The following DHRS12 variants were observed in gnomAD, a reference collection of about 807,000 sequenced individuals.
The protein encoded by DHRS12 is dehydrogenase/reductase SDR family member 12.
In DHRS12, 29 loss-of-function variants were observed where a neutral mutation model predicts 32.1. The observed-to-expected ratio is 0.90, with a 90% CI of 0.67 to 1.23. DHRS12 has a LOEUF of 1.23. Among genes scored for constraint, DHRS12 ranks in the 50% most tolerant of loss-of-function variants. The pLI is 0.00. For missense variants in DHRS12, 330 were observed against 337.2 expected (o/e 0.98, Z 0.17); for synonymous variants, 150 against 135.9 (o/e 1.10, Z -0.72).
At chr13:51,763,912 A>G (rs1286686670), downstream of DHRS12, 1 of 152,244 alleles carries the variant, frequency 6.6e-6, no homozygotes, top group Non-Finnish European at 1.5e-5. Context: ...CTGGACATAA[A>G]TATTCACTAA....
chr13:51,768,424 C>T lies in DHRS12; in HGVS notation c.698-128G>A, dbSNP rs922124366. 1.0e-5 allele frequency: 15 copies of T among 1,468,746 alleles called. No individual in the cohort carries two copies. The South Asian group carries it at 1.5e-4, about 15-fold the overall frequency. The allele number at this position is 1,468,746 out of a possible 1,614,324, so 91.0% of individuals were successfully genotyped here. ...CAGCACCCTACAGCTGTTAGACCCCCATCCCTGCTGTCAAAGGTCCCACAG... is the reference window on the plus strand; with the variant it reads ...CAGCACCCTACAGCTGTTAGACCCCTATCCCTGCTGTCAAAGGTCCCACAG... On this transcript the variant is annotated intron_variant, in intron 8 of 8. Transcript: ENST00000444610.
At chr13:51,769,039 G>A in intron 8 of DHRS12, 117 bp downstream of exon 8, 2 of 1,467,002 alleles carry the variant, frequency 1.4e-6, no homozygotes, top group Non-Finnish European at 1.8e-6. Context: ...AGAAGCCCAG[G>A]CACCCCCCAG....
At chr13:51,759,184 A>G in the DHRS12 span, among the ~76,000 whole-genome samples, 1 of 152,208 alleles carries the variant, frequency 6.6e-6, no homozygotes, top group Admixed American at 6.5e-5. Context: ...CTGTCTCAAA[A>G]TAATTAATTA....
At chr13:51,756,226 C>A in the DHRS12 span, 1 of 1,471,038 alleles carries the variant, frequency 6.8e-7, no homozygotes, top group Non-Finnish European at 9.1e-7. Flanking sequence ...TCAGCATCCT[C>A]ACCTGGATGC....
chr13:51,787,647 T>C (rs952952677), intron 4 of DHRS12, among the ~76,000 whole-genome samples: 1 of 146,550 alleles, frequency 6.8e-6, no homozygotes, highest in South Asian at 2.1e-4. Flanking sequence ...ACCTCCATTA[T>C]AGCACTAAAT....
the DHRS12 span, among the ~76,000 whole-genome samples, chr13:51,755,927 T>C: frequency 6.6e-6 from 1 of 152,186 alleles, no homozygotes; most frequent in Non-Finnish European, 1.5e-5. Flanking sequence ...AGGCTTACCA[T>C]GGCCAAAGTC....
intron 4 of DHRS12, among the ~76,000 whole-genome samples, chr13:51,780,906 T>C (rs1019825862): frequency 3.7e-4 from 57 of 152,358 alleles, no homozygotes; most frequent in South Asian, 2.1e-4. Flanking sequence ...ATAGGAAAAC[T>C]GATTGGCATT....
At chr13:51,771,209 C>T (rs1239662712) in intron 7 of DHRS12, 2 of 1,551,470 alleles carry the variant, frequency 1.3e-6, no homozygotes, top group African/African-American at 2.7e-5. Context: ...CGGGTGCACC[C>T]TGGGGTGTGT....
chr13:51,755,258 T>G, the DHRS12 span: 10 of 1,120,578 alleles, frequency 8.9e-6, no homozygotes, highest in East Asian at 2.2e-4. Flanking sequence ...CTGTTTCTTT[T>G]AAACACATCC....
intron 4 of DHRS12, among the ~76,000 whole-genome samples, chr13:51,789,078 T>C (rs546776238): frequency 1.3e-5 from 2 of 152,276 alleles, no homozygotes; most frequent in African/African-American, 4.8e-5. Flanking sequence ...ACAACAGTGA[T>C]ATGTTGGCTT....
At chr13:51,799,863 A>C (rs1037812664) in intron 1 of DHRS12, among the ~76,000 whole-genome samples, 196 bp from the exon 2 acceptor site, 1 of 152,098 alleles carries the variant, frequency 6.6e-6, no homozygotes, top group African/African-American at 2.4e-5. Flanking sequence ...CTGGACCATG[A>C]TCTTTCCAAA....
At chr13:51,763,143 CAA>C (rs1235644490), downstream of DHRS12, 1 of 152,058 alleles carries the variant, frequency 6.6e-6, no homozygotes, top group African/African-American at 2.4e-5. Context: ...GAGATGTAAA[CAA>C]GAGAATCTAA....
At chr13:51,760,009 CAGT>C in the DHRS12 span, 2 of 464,298 alleles carry the variant, frequency 4.3e-6, no homozygotes, top group East Asian at 3.2e-5. Flanking sequence ...ATGGTTTATA[CAGT>C]CTGGCTGTGC....
chr13:51,792,588 C>T (rs572821853), intron 2 of DHRS12, among the ~76,000 whole-genome samples: 50 of 152,172 alleles, frequency 3.3e-4, no homozygotes, highest in African/African-American at 1.1e-3. Flanking sequence ...TTAGGAGAGA[C>T]GGTGTTTCAT....
In DHRS12 at chr13:51,791,253, A is replaced by T; in HGVS notation, c.131T>A (p.Ile44Asn). The T allele has an allele frequency of 6.8e-7, 1 of 1,467,532 alleles. No individual in the cohort carries two copies. Among genetic ancestry groups the T allele is most frequent in the Non-Finnish European group, 9.1e-7 (1 of 1,093,504 alleles). 90.9% of individuals were successfully genotyped at this position (1,467,532 alleles called of 1,614,324 possible). ...QLPLKSPSEN[I>N]FLHIVDLSDP... The stretch of plus-strand genomic sequence containing the variant: ...AGACAAGTCCACAATGTGCAGAAAA[A>T]TGTTCTAAATTAGAAAGCAAAAAAA... Residue 44 changes from isoleucine to asparagine, a missense_variant, in exon 3 of 9, where the codon ATT (isoleucine) becomes AAT (asparagine). Physicochemically the swap from Ile to Asn is moderately radical, Grantham distance 149. Transcript: ENST00000444610.
chr13:51,774,104 G>A, intron 5 of DHRS12, 70 bp from the exon 6 acceptor site: 2 of 1,438,626 alleles, frequency 1.4e-6, no homozygotes, highest in East Asian at 2.3e-5. Context: ...CCCCTGTAGA[G>A]CAGTGCTTCT....
chr13:51,755,820 A>G, the DHRS12 span, among the ~76,000 whole-genome samples: 1 of 152,228 alleles, frequency 6.6e-6, no homozygotes, highest in East Asian at 1.9e-4. Context: ...CTTCTGATTA[A>G]TTTTAGTTAT....
intron 1 of DHRS12, among the ~76,000 whole-genome samples, chr13:51,803,086 C>A (rs1185677355): frequency 6.6e-6 from 1 of 152,260 alleles, no homozygotes. Context: ...CACGACTACA[C>A]TCCCCACCAT....
At chr13:51,773,749 C>T (rs1350713645) in intron 6 of DHRS12, among the ~76,000 whole-genome samples, 181 bp downstream of exon 6, 1 of 151,958 alleles carries the variant, frequency 6.6e-6, no homozygotes, top group African/African-American at 2.4e-5. Context: ...GCTGAAAGCC[C>T]ACATGGGTCT....
Sources: allele counts gnomAD v4.1 joint callset (sites outside exome capture counted in the v4.1 genomes callset), GRCh38; gene constraint gnomAD v4.1.1; transcripts MANE v1.5; gene names NCBI Gene and HGNC (gene_info 2026-07-23, HGNC 2026-07-21).